Variants in ADCY1 observed in about 807,000 individuals in gnomAD.
ADCY1 encodes the protein adenylate cyclase type 1.
ADCY1 carries 28 observed loss-of-function variants against 105.4 expected under a neutral mutation model. That is an observed-to-expected ratio of 0.27 (90% CI 0.20 to 0.36). The LOEUF (loss-of-function observed/expected upper bound fraction) is 0.36. Among genes scored for constraint, ADCY1 ranks in the 10% least tolerant of loss-of-function variants. ADCY1 has a pLI of 1.00. For synonymous variants in ADCY1, 655 were observed against 623.8 expected (o/e 1.05, Z -0.75); for missense variants, 977 against 1,434.2 (o/e 0.68, Z 5.15).
At chr7:45,635,406 G>A (rs538015419) in intron 4 of ADCY1, among the ~76,000 whole-genome samples, 2 of 151,178 alleles carry the variant, frequency 1.3e-5, no homozygotes, top group Admixed American at 6.6e-5. Flanking sequence ...TGGTTATTTT[G>A]GGTTTAATTT....
chr7:45,711,674 CACATATAT>C (rs1349100830), intron 19 of ADCY1, among the ~76,000 whole-genome samples: 3 of 131,496 alleles, frequency 2.3e-5, no homozygotes, highest in Non-Finnish European at 4.9e-5. Flanking sequence ...TACACATATA[CACATATAT>C]ACACACACAT....
chr7:45,654,301 A>G (rs1794885514), intron 5 of ADCY1, among the ~76,000 whole-genome samples: 1 of 152,236 alleles, frequency 6.6e-6, no homozygotes, highest in Non-Finnish European at 1.5e-5. Context: ...ATTCTTCCAC[A>G]TGACCACCAA....
At chr7:45,664,276 G>T in intron 8 of ADCY1, 1 of 1,535,896 alleles carries the variant, frequency 6.5e-7, no homozygotes. Context: ...CACATCTGAT[G>T]CCTCTCCTGT....
chr7:45,584,935 G>A (rs566564819), intron 1 of ADCY1, among the ~76,000 whole-genome samples: 25 of 152,344 alleles, frequency 1.6e-4, no homozygotes, highest in Non-Finnish European at 2.9e-4. Flanking sequence ...GGCCTGTGCC[G>A]GGAGTCAGGG....
intron 9 of ADCY1, 38 bp downstream of exon 9, chr7:45,678,101 T>C (rs1023429778): frequency 2.5e-6 from 4 of 1,613,632 alleles, no homozygotes; most frequent in East Asian, 2.2e-5. Context: ...TGGTGCTGCT[T>C]GCGAAGGCGC....
chr7:45,656,316 A>AG (rs1359355090), intron 5 of ADCY1, among the ~76,000 whole-genome samples: 3 of 151,758 alleles, frequency 2.0e-5, no homozygotes, highest in Admixed American at 2.0e-4. Context: ...AAAAAAAAAA[A>AG]GTATATTCAA....
At chr7:45,588,509 G>A (rs547893318) in intron 1 of ADCY1, among the ~76,000 whole-genome samples, 2 of 152,300 alleles carry the variant, frequency 1.3e-5, no homozygotes, top group South Asian at 4.1e-4. Flanking sequence ...TTCTATAAAC[G>A]TTTGCATATG....
At chr7:45,692,868 A>G (rs1218606747) in intron 14 of ADCY1, among the ~76,000 whole-genome samples, 6 of 152,230 alleles carry the variant, frequency 3.9e-5, no homozygotes. Flanking sequence ...CTAAGCTCAC[A>G]AAGACTTACC....
In ADCY1 at chr7:45,647,269, C is replaced by T. The variant is rs1044071763; in HGVS notation, c.1021-1401C>T. 6.6e-6 allele frequency among the ~76,000 whole-genome samples: 1 copy of T among 152,226 alleles called. No homozygotes were observed. The highest frequency in any genetic ancestry group is 2.4e-5 in the African/African-American group (1 of 41,454). ...TCAGCCTGGGAACTGGGGCTCCCAG[C>T]GGTCGGTGTGGCCTGTCCCTGTCCT... On this transcript the variant is annotated intron_variant, in intron 4 of 19. Transcript: ENST00000297323. The surrounding 1 kb of genome is among the most constrained non-coding windows in gnomAD (Gnocchi z 4.6).
intron 8 of ADCY1, among the ~76,000 whole-genome samples, chr7:45,664,846 G>T (rs373558274): frequency 2.6e-5 from 4 of 152,056 alleles, no homozygotes; most frequent in African/African-American, 9.7e-5. Context: ...ATGTTCCATG[G>T]TGGTTTGCTG....
At position 45,713,896 on chromosome 7, in the gene ADCY1, C is replaced by T. The variant is rs1361917682; in HGVS notation, c.3261C>T (p.Pro1087=). Residue 1087 remains proline, a synonymous_variant, in exon 20 of 20, where the codon CCC becomes CCT. Coordinates refer to ENST00000297323, the MANE Select transcript of ADCY1 (RefSeq NM_021116.4). Reference sequence around the variant, plus strand: ...GAGCTGGCCTTCAGGGCAGACGTCCCCCCGTGTGCCCCATGCCTGGCGTCT... The same window carrying T: ...GAGCTGGCCTTCAGGGCAGACGTCCTCCCGTGTGCCCCATGCCTGGCGTCT... ...FGRAGLQGRR[P]PVCPMPGVSV... 1.3e-6 allele frequency: 1 copy of T among 780,686 alleles called. No homozygotes were observed. The highest frequency in any genetic ancestry group is 1.3e-5 in the South Asian group (1 of 74,632). 48.4% of individuals were successfully genotyped at this position (780,686 alleles called of 1,614,324 possible). A position where few individuals can be genotyped will look rare whatever the true frequency, so the allele number is the denominator to read the frequency against.
intron 2 of ADCY1, among the ~76,000 whole-genome samples, chr7:45,604,383 C>T (rs970879320): frequency 3.1e-4 from 47 of 152,140 alleles, no homozygotes; most frequent in Admixed American, 1.6e-3. Flanking sequence ...CCAGTTTTTC[C>T]TTTTGTACTT....
At chr7:45,610,762 AGGTGATAGTGGAGGTGTGGG>A (rs1793527328) in intron 3 of ADCY1, among the ~76,000 whole-genome samples, 2 of 126,536 alleles carry the variant, frequency 1.6e-5, no homozygotes, top group Non-Finnish European at 3.4e-5. Context: ...GGAGGTGTAG[AGGTGATAGTGGAGGTGTGGG>A]GGTGATGGTG....
chr7:45,702,618 T>G (rs1364564943), intron 14 of ADCY1, among the ~76,000 whole-genome samples: 2 of 152,208 alleles, frequency 1.3e-5, no homozygotes, highest in African/African-American at 4.8e-5. Flanking sequence ...CTGTGCTGGG[T>G]CCTGCCAAGA....
Position 45,618,966 on chromosome 7 carries a change from G to A in ADCY1, c.909-3666G>A, listed in dbSNP as rs191223466. Among the ~76,000 whole-genome samples, 5 of 152,304 alleles carry A rather than the reference G, an allele frequency of 3.3e-5. No individual in the cohort carries two copies. The East Asian group carries it at 5.8e-4, about 18-fold the overall frequency. ...ACCTAGATGTGGAATCATCCTAAGT[G>A]TCCAACAGCAGATGAATGGATAGAG... On this transcript the variant is annotated intron_variant, in intron 3 of 19. Transcript: ENST00000297323.
At chr7:45,601,362 C>T (rs1793232623) in intron 2 of ADCY1, among the ~76,000 whole-genome samples, 1 of 152,176 alleles carries the variant, frequency 6.6e-6, no homozygotes, top group South Asian at 2.1e-4. Context: ...GGCTCCAGGC[C>T]TCAGATCCAC....
At chr7:45,697,601 G>A (rs1784912177) in intron 14 of ADCY1, among the ~76,000 whole-genome samples, 2 of 152,076 alleles carry the variant, frequency 1.3e-5, no homozygotes, top group Non-Finnish European at 2.9e-5. Flanking sequence ...TGTTGGTCAG[G>A]CTGGTCTTGA....
At chr7:45,700,696 G>A (rs990888340) in intron 14 of ADCY1, among the ~76,000 whole-genome samples, 4 of 152,204 alleles carry the variant, frequency 2.6e-5, no homozygotes, top group Non-Finnish European at 4.4e-5. Flanking sequence ...CAGATGCCCT[G>A]TGTCACTTGC....
At chr7:45,651,031 C>G (rs948912776) in intron 5 of ADCY1, among the ~76,000 whole-genome samples, 1 of 152,172 alleles carries the variant, frequency 6.6e-6, no homozygotes, top group Non-Finnish European at 1.5e-5. Flanking sequence ...CTCCACATCT[C>G]TACCCCTGCT....
Sources: allele counts gnomAD v4.1 joint callset (sites outside exome capture counted in the v4.1 genomes callset), GRCh38; gene constraint gnomAD v4.1.1; non-coding constraint Gnocchi (gnomAD v3.1); transcripts MANE v1.5; gene names NCBI Gene and HGNC (gene_info 2026-07-23, HGNC 2026-07-21).